Variants in RGPD2 observed in about 807,000 individuals in gnomAD.
The protein encoded by RGPD2 is RANBP2-like and GRIP domain-containing protein 2.
Under a neutral mutation model 36.0 loss-of-function variants are expected in RGPD2, and 2 were observed. The observed-to-expected ratio is 0.06, with a 90% CI of 0.02 to 0.17. RGPD2 has a LOEUF of 0.17. Among genes scored for constraint, RGPD2 ranks in the 10% least tolerant of loss-of-function variants. RGPD2 has a pLI of 1.00. For missense variants in RGPD2, 40 were observed against 464.3 expected (o/e 0.09, Z 8.40); for synonymous variants, 19 against 163.8 (o/e 0.12, Z 6.75).
the RGPD2 span, among the ~76,000 whole-genome samples, chr2:87,840,484 T>G: frequency 6.6e-6 from 1 of 151,842 alleles, no homozygotes; most frequent in African/African-American, 2.4e-5. Context: ...ATAGAGGATG[T>G]TACCCAGAAA....
the RGPD2 span, chr2:87,989,064 A>G: frequency 0.015 from 4,703 of 308,340 alleles, 70 homozygotes; most frequent in Non-Finnish European, 0.02. Flanking sequence ...ATTAATGTAA[A>G]TCACAATTAC....
the RGPD2 span, among the ~76,000 whole-genome samples, chr2:87,937,894 CA>C: frequency 6.6e-6 from 1 of 151,706 alleles, no homozygotes; most frequent in African/African-American, 2.4e-5. Flanking sequence ...TTAAGAAATA[CA>C]ATTTTTGAAG....
intron 6 of RGPD2, among the ~76,000 whole-genome samples, chr2:87,809,298 C>A (rs1324291207): frequency 6.6e-6 from 1 of 151,182 alleles, no homozygotes; most frequent in South Asian, 2.1e-4. Flanking sequence ...GAGCGAGACT[C>A]CGTCTCAAAA....
At chr2:87,776,366 GCATCCATCCATCCATCT>G (rs1269760824) in intron 20 of RGPD2, among the ~76,000 whole-genome samples, 1 of 94,162 alleles carries the variant, frequency 1.1e-5, no homozygotes, top group African/African-American at 3.6e-5. Flanking sequence ...TACTTAATAA[GCATCCATCCATCCATCT>G]CATCCATCCA....
chr2:87,839,909 A>T, the RGPD2 span, among the ~76,000 whole-genome samples: 1 of 152,066 alleles, frequency 6.6e-6, no homozygotes, highest in African/African-American at 2.4e-5. Flanking sequence ...GAAAGAAAAA[A>T]AAAACACATT....
chr2:87,932,796 A>T, the RGPD2 span, among the ~76,000 whole-genome samples: 1 of 151,858 alleles, frequency 6.6e-6, no homozygotes, highest in Non-Finnish European at 1.5e-5. Context: ...CTTCTGGTTT[A>T]TAGAGCTTCA....
chr2:87,982,962 CTT>C, the RGPD2 span, among the ~76,000 whole-genome samples: 1 of 96,166 alleles, frequency 1.0e-5, no homozygotes, highest in African/African-American at 3.8e-5. Context: ...GAGGCTTAAT[CTT>C]TTCACATGTA....
At chr2:87,799,015 G>A (rs1685806599) in intron 8 of RGPD2, among the ~76,000 whole-genome samples, 2 of 138,584 alleles carry the variant, frequency 1.4e-5, no homozygotes, top group African/African-American at 5.1e-5. Flanking sequence ...CTTGCTAAAT[G>A]AAAGAAGCCA....
At chr2:87,880,238 T>G in the RGPD2 span, among the ~76,000 whole-genome samples, 6 of 152,354 alleles carry the variant, frequency 3.9e-5, no homozygotes, top group South Asian at 1.2e-3. Flanking sequence ...ATAATTTGCA[T>G]ATATTTTTCC....
chr2:87,789,910 C>T (rs1198641631), intron 17 of RGPD2, among the ~76,000 whole-genome samples: 1 of 152,310 alleles, frequency 6.6e-6, no homozygotes, highest in Non-Finnish European at 1.5e-5. Flanking sequence ...AACTCTGCTG[C>T]CTTGACAAGA....
the RGPD2 span, among the ~76,000 whole-genome samples, chr2:87,886,421 C>T: frequency 4.3e-4 from 65 of 151,430 alleles, no homozygotes; most frequent in African/African-American, 1.4e-3. Context: ...TCTGTCTACA[C>T]TAATACTACA....
chr2:87,847,484 C>A, the RGPD2 span, among the ~76,000 whole-genome samples: 1 of 148,022 alleles, frequency 6.8e-6, no homozygotes, highest in East Asian at 2.0e-4. Flanking sequence ...AAGTATTTGA[C>A]ATAATTGTTT....
At chr2:87,830,650 A>G (rs1014415263), upstream of RGPD2, among the ~76,000 whole-genome samples, 4 of 152,174 alleles carry the variant, frequency 2.6e-5, no homozygotes, top group Non-Finnish European at 5.9e-5. Flanking sequence ...TATAAAGAAA[A>G]AGGTTTAAAG....
the RGPD2 span, among the ~76,000 whole-genome samples, chr2:87,977,854 G>A: frequency 2.0e-5 from 3 of 152,146 alleles, no homozygotes; most frequent in South Asian, 2.1e-4. Context: ...AGTGGCTCAC[G>A]CCTGTAATCC....
the RGPD2 span, among the ~76,000 whole-genome samples, chr2:87,929,594 T>C: frequency 9.9e-5 from 15 of 150,776 alleles, no homozygotes; most frequent in South Asian, 1.1e-3. Flanking sequence ...TTTCTCCAGT[T>C]CTGTGAAGAA....
At chr2:87,886,103 A>G in the RGPD2 span, among the ~76,000 whole-genome samples, 14 of 151,968 alleles carry the variant, frequency 9.2e-5, no homozygotes, top group East Asian at 5.8e-4. Context: ...AACATCTCTG[A>G]ATTCATTAAT....
rs1471045815 is a variant in RGPD2 at position 87,756,358 on chromosome 2, T to C, written c.*1034A>G. 2 of 137,218 alleles carry C rather than the reference T, an allele frequency of 1.5e-5. No homozygotes were observed. The highest frequency in any genetic ancestry group is 3.2e-5 in the Non-Finnish European group (2 of 62,168). The allele number at this position is 137,218 out of a possible 1,614,324, so 8.5% of individuals were successfully genotyped here. A position where few individuals can be genotyped will look rare whatever the true frequency, so the allele number is the denominator to read the frequency against. On this transcript the variant is annotated 3_prime_UTR_variant, in exon 23 of 23. Coordinates refer to ENST00000398146, the MANE Select transcript of RGPD2 (RefSeq NM_001078170.3). Reference sequence around the variant, plus strand: ...TGAAGAAATAGAAGTGGGTTGGATCTCTTTCAGCCTCGGAAAAGCCTGCCA... The same window carrying C: ...TGAAGAAATAGAAGTGGGTTGGATCCCTTTCAGCCTCGGAAAAGCCTGCCA...
chr2:87,906,685 A>G, the RGPD2 span, among the ~76,000 whole-genome samples: 1 of 150,222 alleles, frequency 6.7e-6, no homozygotes, highest in Non-Finnish European at 1.5e-5. Context: ...TAATGAATGC[A>G]TTAGTACACC....
At chr2:87,857,774 T>TAA in the RGPD2 span, among the ~76,000 whole-genome samples, 501 of 123,458 alleles carry the variant, frequency 4.1e-3, 3 homozygotes, top group African/African-American at 0.018. Flanking sequence ...CCATCTCTAC[T>TAA]AAAAAAAAAA....
Sources: allele counts gnomAD v4.1 joint callset (sites outside exome capture counted in the v4.1 genomes callset), GRCh38; gene constraint gnomAD v4.1.1; transcripts MANE v1.5; gene names NCBI Gene and HGNC (gene_info 2026-07-23, HGNC 2026-07-21).